ADGRV1: variants seen among roughly 807,000 people sequenced by gnomAD.
ADGRV1 encodes the protein G-protein coupled receptor 98.
A neutral mutation model predicts 596.2 loss-of-function variants in ADGRV1; 359 were observed. The observed-to-expected ratio is 0.60, with a 90% CI of 0.55 to 0.66. The LOEUF (loss-of-function observed/expected upper bound fraction) is 0.66, where lower values mean the gene tolerates loss of function less well. ADGRV1 is among the 30% of genes least tolerant of loss of function. ADGRV1 has a pLI of 0.00. For synonymous variants in ADGRV1, 2,681 were observed against 2,679.2 expected (o/e 1.00, Z -0.02); for missense variants, 7,274 against 7,575.6 (o/e 0.96, Z 1.48).
chr5:90,817,327 G>A (rs1454108456), intron 75 of ADGRV1, among the ~76,000 whole-genome samples: 1 of 151,510 alleles, frequency 6.6e-6, no homozygotes. Context: ...TTTGTCAGAT[G>A]AGTAGGTTGC....
chr5:90,679,452 C>T, intron 25 of ADGRV1, 97 bp from the exon 26 acceptor site: 1 of 718,056 alleles, frequency 1.4e-6, no homozygotes, highest in Non-Finnish European at 2.4e-6. Flanking sequence ...AATATTACTG[C>T]ATTTTCCTCT....
At chr5:90,674,382 GT>G in intron 23 of ADGRV1, 148 bp downstream of exon 23, 1 of 448,418 alleles carries the variant, frequency 2.2e-6, no homozygotes, top group East Asian at 3.3e-5. Context: ...GTATGCTACT[GT>G]TTTGAGAGAC....
chr5:91,108,410 G>A (rs1046457901), intron 87 of ADGRV1, among the ~76,000 whole-genome samples: 6 of 152,080 alleles, frequency 3.9e-5, no homozygotes, highest in African/African-American at 1.4e-4. Context: ...TTTGCTCAGA[G>A]GAGATTACTG....
chr5:90,927,724 TC>T (rs1774662843), intron 83 of ADGRV1, among the ~76,000 whole-genome samples: 1 of 152,228 alleles, frequency 6.6e-6, no homozygotes, highest in Middle Eastern at 3.4e-3. Flanking sequence ...TTCTTCCTAG[TC>T]TTGATGGTCT....
intron 21 of ADGRV1, among the ~76,000 whole-genome samples, chr5:90,668,544 G>A (rs994971638): frequency 1.8e-4 from 27 of 152,072 alleles, no homozygotes; most frequent in Non-Finnish European, 4.0e-4. Flanking sequence ...TGGTACCTCT[G>A]ATGGAAATGC....
chr5:90,784,438 A>G (rs1759200648), intron 67 of ADGRV1, among the ~76,000 whole-genome samples: 1 of 152,224 alleles, frequency 6.6e-6, no homozygotes, highest in African/African-American at 2.4e-5. Context: ...TGAGCAATAA[A>G]CAACTAAAAA....
intron 87 of ADGRV1, among the ~76,000 whole-genome samples, chr5:91,105,496 A>G (rs1017848112): frequency 2.0e-5 from 3 of 151,994 alleles, no homozygotes; most frequent in Admixed American, 6.6e-5. Context: ...CATCACTAGC[A>G]TTTATTTTTT....
Position 90,977,868 on chromosome 5 carries a change from C to T in ADGRV1, c.17974-7476C>T, listed in dbSNP as rs184917369. On this transcript the variant is annotated intron_variant, in intron 84 of 89. Coordinates refer to ENST00000405460, the MANE Select transcript of ADGRV1 (RefSeq NM_032119.4). ...GTTTAAATTCCAATAGCCTGAATTACTAATTCTGAAAAGTATACTTCTCCC... is the reference window on the plus strand; with the variant it reads ...GTTTAAATTCCAATAGCCTGAATTATTAATTCTGAAAAGTATACTTCTCCC... Among the ~76,000 whole-genome samples, 254 of 152,280 alleles carry T rather than the reference C, an allele frequency of 1.7e-3. 1 individual carries two copies. The highest frequency in any genetic ancestry group is 1.7e-3 in the Non-Finnish European group (114 of 68,026).
chr5:90,745,284 G>T lies in ADGRV1; in HGVS notation c.10769+19G>T. The T allele has an allele frequency of 6.8e-7, 1 of 1,479,186 alleles. No individual in the cohort carries two copies. The highest frequency in any genetic ancestry group is 9.2e-7 in the Non-Finnish European group (1 of 1,089,860). The allele number at this position is 1,479,186 out of a possible 1,614,324, so 91.6% of individuals were successfully genotyped here. On this transcript the variant is annotated intron_variant, in intron 51 of 89. Transcript: ENST00000405460. ...TTCCTAGGTAGGTTCAACATTTTTT[G>T]CTAAGTATCTTTATGTTCACTGTAA... is the stretch of plus-strand genomic sequence containing the variant.
intron 87 of ADGRV1, among the ~76,000 whole-genome samples, chr5:91,124,114 A>G (rs1033772857): frequency 1.3e-5 from 2 of 152,230 alleles, no homozygotes; most frequent in African/African-American, 2.4e-5. Flanking sequence ...AGTTGCTTTT[A>G]CTTCCTTTCA....
In ADGRV1 at chr5:90,689,940, T is replaced by C; in HGVS notation, c.6570T>C (p.Ile2190=). 1 of 1,612,960 alleles carries C rather than the reference T, an allele frequency of 6.2e-7. No individual in the cohort carries two copies. The highest frequency in any genetic ancestry group is 1.3e-5 in the African/African-American group (1 of 75,044). ...GTAAAGCCGTGCCAATATATGTCAT[T>C]AATGATATCTATCCTGAACTGGAAG... ...ETSKAVPIYV[I]NDIYPELEES... is the part of the protein sequence containing the mutation. The change falls in exon 30 of 90, where the codon ATT becomes ATC. Residue 2190 remains isoleucine, a synonymous_variant. Transcript: ENST00000405460.
Position 90,653,249 on chromosome 5 carries a change from C to A in ADGRV1, c.3675C>A (p.Asn1225Lys), listed in dbSNP as rs1768898986. 6.2e-7 allele frequency: 1 copy of A among 1,613,084 alleles called. No individual in the cohort carries two copies. Among genetic ancestry groups the A allele is most frequent in the Non-Finnish European group, 8.5e-7 (1 of 1,179,296 alleles). The change falls in exon 20 of 90, where the codon AAC becomes AAA. Residue 1225 changes from asparagine (N) to lysine (K), a missense_variant. Asn to Lys is a moderately conservative substitution (Grantham distance 94). This residue lies in a region of ADGRV1 where 1,715 missense variants were observed against 1,708.8 expected (regional missense o/e 1.00). Transcript: ENST00000405460. ...PGPGGQLAET[N>K]LQVTVMVPFN... ...CTGGGGGCCAGCTAGCAGAAACCAA[C>A]CTCCAGGTGACAGTAATGGTTCCAT... is the stretch of plus-strand genomic sequence containing the variant.
intron 87 of ADGRV1, among the ~76,000 whole-genome samples, chr5:91,122,184 A>G (rs1793378954): frequency 6.6e-6 from 1 of 152,234 alleles, no homozygotes; most frequent in Admixed American, 6.5e-5. Context: ...AAAGTTGTTT[A>G]TAAATACTCT....
intron 87 of ADGRV1, among the ~76,000 whole-genome samples, chr5:91,134,895 A>G (rs1481439678): frequency 6.6e-6 from 1 of 152,178 alleles, no homozygotes; most frequent in Non-Finnish European, 1.5e-5. Context: ...CAAAATTGGA[A>G]ATTTGGGATT....
At position 90,853,366 on chromosome 5, in the gene ADGRV1, T is replaced by C; in HGVS notation, c.17287T>C (p.Phe5763Leu). ...TCCTCAGCAAATCAATGGACACAAG[T>C]TTGAAGGAAAGGAAGGAGATTACAT... ...WYPQQINGHK[F>L]EGKEGDYIRI... Residue 5763 changes from phenylalanine to leucine, a missense_variant, in exon 80 of 90, where the codon TTT becomes CTT. This residue lies in a region of ADGRV1 where 1,874 missense variants were observed against 1,970.2 expected (regional missense o/e 0.95). Coordinates refer to ENST00000405460, the MANE Select transcript of ADGRV1 (RefSeq NM_032119.4). 3.7e-6 allele frequency: 6 copies of C among 1,613,522 alleles called. No individual in the cohort carries two copies. Among genetic ancestry groups the C allele is most frequent in the Non-Finnish European group, 5.1e-6 (6 of 1,179,578 alleles).
At chr5:90,674,281 C>T (rs780261981) in intron 23 of ADGRV1, 47 bp downstream of exon 23, 2 of 1,446,318 alleles carry the variant, frequency 1.4e-6, no homozygotes, top group South Asian at 1.7e-5. Flanking sequence ...TCTGGGTGTA[C>T]TTAGTTTTGT....
At chr5:91,147,060 A>G (rs1795599188) in intron 87 of ADGRV1, among the ~76,000 whole-genome samples, 1 of 151,750 alleles carries the variant, frequency 6.6e-6, no homozygotes, top group Non-Finnish European at 1.5e-5. Flanking sequence ...CCAGCTACTG[A>G]GCAGGCTAAG....
intron 75 of ADGRV1, among the ~76,000 whole-genome samples, chr5:90,817,149 TC>T (rs1428477969): frequency 6.6e-6 from 1 of 152,126 alleles, no homozygotes; most frequent in Non-Finnish European, 1.5e-5. Flanking sequence ...GATTTGCATT[TC>T]TCTGATGGCC....
chr5:90,760,376 C>CT (rs1756390802), intron 58 of ADGRV1, among the ~76,000 whole-genome samples: 1 of 151,994 alleles, frequency 6.6e-6, no homozygotes, highest in African/African-American at 2.4e-5. Context: ...AGGGCCAATC[C>CT]TCCAGCCTGT....
Sources: allele counts gnomAD v4.1 joint callset (sites outside exome capture counted in the v4.1 genomes callset), GRCh38; gene constraint gnomAD v4.1.1; regional missense constraint gnomAD v4.1.1; transcripts MANE v1.5; gene names NCBI Gene and HGNC (gene_info 2026-07-23, HGNC 2026-07-21).